Variants in TAF11L12 observed in about 807,000 individuals in gnomAD.
TAF11L12 encodes TATA-box binding protein associated factor 11 like 12.
At chr5:17,611,939 T>A (rs569845156), downstream of TAF11L12, among the ~76,000 whole-genome samples, 316 of 151,520 alleles carry the variant, frequency 2.1e-3, 15 homozygotes, top group African/African-American at 7.3e-3. Context: ...AGCCTGGTGT[T>A]GCTGTGTCTT....
downstream of TAF11L12, chr5:17,611,628 C>T (rs182915820): frequency 7.5e-6 from 3 of 397,852 alleles, no homozygotes; most frequent in East Asian, 7.1e-5. Flanking sequence ...GAATAAGTAT[C>T]GCATTCATCT....
exon 1 of TAF11L12, chr5:17,611,003 G>A (rs1304973412): frequency 1.3e-5 from 5 of 397,852 alleles, no homozygotes; most frequent in African/African-American, 1.0e-4. Context: ...GAGACAGGCA[G>A]GCAAAGAGGT....
Position 17,611,561 on chromosome 5 carries a change from A to G in TAF11L12, c.572A>G (p.Asn191Ser), listed in dbSNP as rs191676896. The G allele has an allele frequency of 2.0e-5, 8 of 398,062 alleles. No homozygotes were observed. In the East Asian group the frequency reaches 2.5e-4, roughly 12 times the overall value. The allele number at this position is 398,062 out of a possible 1,614,324, so 24.7% of individuals were successfully genotyped here. A position where few individuals can be genotyped will look rare whatever the true frequency, so the allele number is the denominator to read the frequency against. Reference sequence around the variant, plus strand: ...CCCAAGGGCCTCTTCCCCAACAGCAACTATAAAAAAATCATGTTCTAAGCC... The same window carrying G: ...CCCAAGGGCCTCTTCCCCAACAGCAGCTATAAAAAAATCATGTTCTAAGCC... The change falls in exon 1 of 1, where the codon AAC becomes AGC. Residue 191 changes from asparagine (N) to serine (S), a missense_variant. Asn to Ser is a conservative substitution (Grantham distance 46). Coordinates refer to ENST00000503184, the Ensembl canonical transcript of TAF11L12.
At chr5:17,610,872 C>G (rs1739262077) in exon 1 of TAF11L12, 1 of 395,466 alleles carries the variant, frequency 2.5e-6, no homozygotes, top group Admixed American at 4.4e-5. Flanking sequence ...ACTGGCACAG[C>G]AGAAACACAG....
At chr5:17,611,751 A>C (rs1366908368), downstream of TAF11L12, among the ~76,000 whole-genome samples, 1 of 151,584 alleles carries the variant, frequency 6.6e-6, no homozygotes, top group African/African-American at 2.4e-5. Context: ...TGAAGACAGC[A>C]GATTGTTTCA....
chr5:17,611,354 C>T, exon 1 of TAF11L12: 1 of 398,052 alleles, frequency 2.5e-6, no homozygotes, highest in Non-Finnish European at 4.4e-6. Flanking sequence ...GCACGCATTG[C>T]AGCTCTGATG....
chr5:17,611,384 C>G (rs1299648676), exon 1 of TAF11L12: 4 of 397,786 alleles, frequency 1.0e-5, no homozygotes, highest in Admixed American at 8.8e-5. Context: ...ACTGGCAGAT[C>G]GGTGTCTGAG....
chr5:17,611,422 G>C (rs1367167020), exon 1 of TAF11L12: 2 of 397,958 alleles, frequency 5.0e-6, no homozygotes, highest in African/African-American at 4.1e-5. Flanking sequence ...GGCTGGAATA[G>C]CTAAGGTCTT....
chr5:17,610,687 T>C, exon 1 of TAF11L12: 1 of 263,946 alleles, frequency 3.8e-6, no homozygotes, highest in Non-Finnish European at 7.1e-6. Flanking sequence ...ACTTCTGACC[T>C]GTGAGCTGGT....
At chr5:17,611,493 G>T (rs964994851) in exon 1 of TAF11L12, 4 of 397,818 alleles carry the variant, frequency 1.0e-5, no homozygotes, top group African/African-American at 8.3e-5. Flanking sequence ...AAACGCCCCC[G>T]CTGCAGCCCA....
At chr5:17,610,783 A>G (rs1739260255) in exon 1 of TAF11L12, 1 of 384,276 alleles carries the variant, frequency 2.6e-6, no homozygotes. Context: ...GTTTCTTCAC[A>G]TTGTGGAAGT....
exon 1 of TAF11L12, chr5:17,610,717 A>T: frequency 3.2e-6 from 1 of 315,662 alleles, no homozygotes; most frequent in East Asian, 4.9e-5. Context: ...AAATATCCAA[A>T]ATTGGTGAGA....
rs531119155 is a variant in TAF11L12 at position 17,611,424 on chromosome 5, T to C, written c.435T>C (p.Ala145=). The change falls in exon 1 of 1, where the codon GCT becomes GCC. Residue 145 remains alanine, a synonymous_variant. Transcript: ENST00000503184. ...CCGCCATTGCCATGGCTGGAATAGC[T>C]AAGGTCTTGGTTGGAGAGGTGGTGG... 39 of 397,992 alleles carry C rather than the reference T, an allele frequency of 9.8e-5. No individual in the cohort carries two copies. The South Asian group carries it at 3.6e-3, about 36-fold the overall frequency. 24.7% of individuals were successfully genotyped at this position (397,992 alleles called of 1,614,324 possible).
chr5:17,610,653 G>C (rs570038059), exon 1 of TAF11L12: 4 of 226,370 alleles, frequency 1.8e-5, no homozygotes, highest in African/African-American at 6.8e-5. Flanking sequence ...CTCTGAGCAG[G>C]AGGCAGTCAC....
exon 1 of TAF11L12, chr5:17,611,032 G>C (rs368957793): frequency 2.5e-5 from 10 of 397,868 alleles, no homozygotes; most frequent in East Asian, 2.5e-4. Flanking sequence ...TGAGATGTTC[G>C]CCATGCCCCA....
exon 1 of TAF11L12, chr5:17,610,870 A>G: frequency 2.5e-6 from 1 of 395,682 alleles, no homozygotes; most frequent in Non-Finnish European, 4.5e-6. Context: ...AAACTGGCAC[A>G]GCAGAAACAC....
chr5:17,611,889 G>T (rs1331980318), downstream of TAF11L12, among the ~76,000 whole-genome samples: 1 of 151,358 alleles, frequency 6.6e-6, no homozygotes, highest in African/African-American at 2.4e-5. Flanking sequence ...CATTTGGAGA[G>T]GGAAACCCTT....
chr5:17,611,203 C>G, exon 1 of TAF11L12: 1 of 398,236 alleles, frequency 2.5e-6, no homozygotes, highest in Non-Finnish European at 4.4e-6. Context: ...AGCCAAAAGA[C>G]AGAAAACAGA....
downstream of TAF11L12, among the ~76,000 whole-genome samples, chr5:17,611,762 C>T (rs1347639939): frequency 1.3e-5 from 2 of 151,562 alleles, no homozygotes; most frequent in African/African-American, 4.9e-5. Context: ...GATTGTTTCA[C>T]AGTAGCCTTG....
Sources: gnomAD v4.1 joint callset for allele counts (sites outside exome capture counted in the v4.1 genomes callset) on GRCh38, gnomAD v4.1.1 for gene constraint, MANE v1.5 for transcripts, NCBI Gene and HGNC (gene_info 2026-07-23, HGNC 2026-07-21) for gene names.